Variants in CSMD3 observed in about 807,000 individuals in gnomAD.
CSMD3 encodes the protein CUB and Sushi multiple domains 3.
Under a neutral mutation model 435.2 loss-of-function variants are expected in CSMD3, and 177 were observed. The observed-to-expected ratio is 0.41, with a 90% CI of 0.36 to 0.46. The LOEUF is 0.46. Ranked by LOEUF, CSMD3 falls within the 20% of genes least tolerant of loss-of-function variation. The pLI, the probability that CSMD3 is intolerant of heterozygous loss-of-function variation, is 0.34. For synonymous variants in CSMD3, 1,656 were observed against 1,520.5 expected, an observed-to-expected ratio of 1.09 and a Z score of -2.07; for missense variants, 4,265 against 4,504.6, an observed-to-expected ratio of 0.95 and a Z score of 1.52.
intron 5 of CSMD3, among the ~76,000 whole-genome samples, chr8:113,088,463 A>G (rs1296370788): frequency 6.7e-6 from 1 of 148,900 alleles, no homozygotes; most frequent in Admixed American, 6.7e-5. Flanking sequence ...ACCAACCCAA[A>G]TGTCCAACAA....
rs2130161768 is a variant in CSMD3 at position 113,436,923 on chromosome 8, C to G, written c.-69G>C. ...TGGAGTTGTTGCTGTTGTTGGTGCG[C>G]GGTCACAGCTCGGAGTGAATGGTGT... is the stretch of plus-strand genomic sequence containing the variant. On this transcript the variant is annotated 5_prime_UTR_variant, in exon 1 of 71. Coordinates refer to ENST00000297405, the MANE Select transcript of CSMD3 (RefSeq NM_198123.2). The G allele has an allele frequency of 1.3e-6, 2 of 1,557,362 alleles. No individual in the cohort carries two copies. Among genetic ancestry groups the G allele is most frequent in the Non-Finnish European group, 8.8e-7 (1 of 1,131,330 alleles).
At chr8:112,430,148 A>G (rs1362815053) in intron 32 of CSMD3, among the ~76,000 whole-genome samples, 2 of 152,100 alleles carry the variant, frequency 1.3e-5, no homozygotes, top group Non-Finnish European at 2.9e-5. Flanking sequence ...AACATCAGGT[A>G]GGAAGCGTCT....
At chr8:112,478,258 A>C (rs1245585749) in intron 31 of CSMD3, among the ~76,000 whole-genome samples, 1 of 152,188 alleles carries the variant, frequency 6.6e-6, no homozygotes, top group Non-Finnish European at 1.5e-5. Context: ...CTATAAGGAT[A>C]CCTGGAAATG....
At chr8:112,982,243 T>G (rs1339605566) in intron 6 of CSMD3, among the ~76,000 whole-genome samples, 1 of 151,912 alleles carries the variant, frequency 6.6e-6, no homozygotes, top group East Asian at 1.9e-4. Context: ...AGAAATAAAT[T>G]TCACACAATA....
chr8:112,803,062 T>C (rs1007369247), intron 12 of CSMD3, among the ~76,000 whole-genome samples: 12 of 151,926 alleles, frequency 7.9e-5, no homozygotes, highest in Non-Finnish European at 1.5e-4. Context: ...TTTGACCTCA[T>C]CCCCAGCAAA....
chr8:113,212,163 T>C (rs2132083300), intron 3 of CSMD3, among the ~76,000 whole-genome samples: 1 of 152,288 alleles, frequency 6.6e-6, no homozygotes, highest in East Asian at 1.9e-4. Flanking sequence ...GCAGAATTTA[T>C]TATGTTCATG....
At chr8:112,532,793 T>C (rs1825664056) in intron 27 of CSMD3, among the ~76,000 whole-genome samples, 1 of 152,096 alleles carries the variant, frequency 6.6e-6, no homozygotes, top group Non-Finnish European at 1.5e-5. Context: ...CACAGACAAA[T>C]TCAGAATATT....
intron 22 of CSMD3, among the ~76,000 whole-genome samples, chr8:112,591,086 T>A (rs1229671143): frequency 6.6e-6 from 1 of 152,104 alleles, no homozygotes; most frequent in East Asian, 1.9e-4. Context: ...GGAGAATAAG[T>A]ACTTAGTGCT....
At position 113,372,796 on chromosome 8, in the gene CSMD3, T is replaced by C. The variant is rs529014385; in HGVS notation, c.179-58003A>G. Among the ~76,000 whole-genome samples, 6 of 151,320 alleles carry C rather than the reference T, an allele frequency of 4.0e-5. No individual in the cohort carries two copies. The South Asian group carries it at 1.0e-3, about 26-fold the overall frequency. ...AAAAATACAAAAAATTAGCCGGGCG[T>C]GGTGGCGGGCGCCTGTAGTCCCAGC... On this transcript the variant is annotated intron_variant, in intron 1 of 70. Coordinates refer to ENST00000297405, the MANE Select transcript of CSMD3 (RefSeq NM_198123.2).
intron 4 of CSMD3, among the ~76,000 whole-genome samples, chr8:113,150,580 G>C (rs1219162405): frequency 2.0e-5 from 3 of 151,946 alleles, no homozygotes; most frequent in Non-Finnish European, 4.4e-5. Context: ...GCATATTCCT[G>C]ACCTACAGAC....
chr8:112,932,117 A>G (rs1256863239), intron 9 of CSMD3, among the ~76,000 whole-genome samples: 2 of 152,170 alleles, frequency 1.3e-5, no homozygotes, highest in Non-Finnish European at 2.9e-5. Context: ...AGGAAAGGAA[A>G]TCAGTCCTTT....
chr8:112,386,653 A>G (rs934002815), intron 36 of CSMD3, among the ~76,000 whole-genome samples: 5 of 151,830 alleles, frequency 3.3e-5, no homozygotes, highest in Non-Finnish European at 5.9e-5. Context: ...GCCCGCCACC[A>G]CGCCCGGCTA....
chr8:112,604,035 T>C (rs573112293), intron 22 of CSMD3, among the ~76,000 whole-genome samples: 352 of 152,312 alleles, frequency 2.3e-3, no homozygotes, highest in African/African-American at 8.1e-3. Context: ...TTTTTCAATT[T>C]AAGATCATCA....
chr8:112,551,022 T>C (rs1379367482), intron 26 of CSMD3, 149 bp from the exon 27 acceptor site: 7 of 633,380 alleles, frequency 1.1e-5, no homozygotes, highest in Non-Finnish European at 1.9e-5. Context: ...ATATTCTTAA[T>C]ATATTTTTCT....
chr8:113,011,528 T>C (rs1292228436), intron 6 of CSMD3, among the ~76,000 whole-genome samples: 1 of 151,764 alleles, frequency 6.6e-6, no homozygotes. Flanking sequence ...TATAAAAAGA[T>C]TGCCAAATCT....
chr8:113,077,603 T>G (rs1168015069), intron 5 of CSMD3, among the ~76,000 whole-genome samples: 2 of 152,120 alleles, frequency 1.3e-5, no homozygotes, highest in Non-Finnish European at 2.9e-5. Flanking sequence ...TAGCAGGGGC[T>G]GAGACAGGAG....
intron 22 of CSMD3, among the ~76,000 whole-genome samples, chr8:112,618,951 T>A (rs931648067): frequency 6.6e-6 from 1 of 152,252 alleles, no homozygotes; most frequent in East Asian, 1.9e-4. Context: ...AGTTATGATT[T>A]CTGATTCCAC....
At chr8:113,306,471 A>T (rs2093822408) in intron 2 of CSMD3, among the ~76,000 whole-genome samples, 1 of 152,144 alleles carries the variant, frequency 6.6e-6, no homozygotes, top group Non-Finnish European at 1.5e-5. Flanking sequence ...CCCTCTGGTC[A>T]TTTGTTTCTA....
At chr8:113,064,223 T>A (rs1289649870) in intron 5 of CSMD3, among the ~76,000 whole-genome samples, 2 of 151,938 alleles carry the variant, frequency 1.3e-5, no homozygotes, top group Non-Finnish European at 2.9e-5. Context: ...GTGTTTATTC[T>A]CAAACATTGT....
Sources: allele counts gnomAD v4.1 joint callset (sites outside exome capture counted in the v4.1 genomes callset), GRCh38; gene constraint gnomAD v4.1.1; transcripts MANE v1.5; gene names NCBI Gene and HGNC (gene_info 2026-07-23, HGNC 2026-07-21).